The following LMX1A variants were observed in gnomAD, a reference collection of about 807,000 sequenced individuals.
LMX1A encodes the protein LIM homeobox transcription factor 1 alpha.
Under a neutral mutation model 49.1 loss-of-function variants are expected in LMX1A, and 15 were observed. The observed-to-expected ratio is 0.31, with a 90% CI of 0.20 to 0.47. The LOEUF (loss-of-function observed/expected upper bound fraction) is 0.47. Among genes scored for constraint, LMX1A ranks in the 20% least tolerant of loss-of-function variants. The probability of loss-of-function intolerance (pLI) is 1.00; values close to 1 mark genes in which losing one functional copy is unlikely to be tolerated. For synonymous variants in LMX1A, 167 were observed against 185.7 expected, an observed-to-expected ratio of 0.90 and a Z score of 0.82; for missense variants, 372 against 475.8, an observed-to-expected ratio of 0.78 and a Z score of 2.03.
At chr1:165,242,006 G>A (rs1652672263) in intron 4 of LMX1A, among the ~76,000 whole-genome samples, 1 of 152,234 alleles carries the variant, frequency 6.6e-6, no homozygotes. Context: ...TCCAGCAGAT[G>A]TGAGGAATCT....
intron 3 of LMX1A, among the ~76,000 whole-genome samples, chr1:165,291,742 C>G (rs897438284): frequency 6.6e-6 from 1 of 152,138 alleles, no homozygotes; most frequent in Non-Finnish European, 1.5e-5. Flanking sequence ...AGTAGCAAAG[C>G]TGGGATTTAA....
intron 4 of LMX1A, among the ~76,000 whole-genome samples, chr1:165,217,417 C>A (rs1651681909): frequency 6.6e-6 from 1 of 152,182 alleles, no homozygotes; most frequent in Non-Finnish European, 1.5e-5. Context: ...CCTAGGTTAG[C>A]CGTTGGGGCC....
intron 3 of LMX1A, among the ~76,000 whole-genome samples, chr1:165,267,525 C>A (rs577922584): frequency 6.6e-6 from 1 of 152,264 alleles, no homozygotes; most frequent in South Asian, 2.1e-4. Flanking sequence ...GTTTTCAATT[C>A]TTTCATCCTA....
chr1:165,310,926 T>A (rs911068797), intron 3 of LMX1A, among the ~76,000 whole-genome samples: 1 of 152,204 alleles, frequency 6.6e-6, no homozygotes, highest in African/African-American at 2.4e-5. Context: ...CACAGGACAA[T>A]TAAAGAACTT....
intron 3 of LMX1A, among the ~76,000 whole-genome samples, chr1:165,267,568 C>T (rs1400329134): frequency 6.6e-6 from 1 of 152,108 alleles, no homozygotes; most frequent in Non-Finnish European, 1.5e-5. Context: ...GAATCACTAT[C>T]ACTGCTGTGT....
At chr1:165,341,295 C>T (rs942206982) in intron 3 of LMX1A, among the ~76,000 whole-genome samples, 1 of 152,060 alleles carries the variant, frequency 6.6e-6, no homozygotes, top group Non-Finnish European at 1.5e-5. Flanking sequence ...CTTTCTTTTC[C>T]GGGCTCCATC....
intron 8 of LMX1A, among the ~76,000 whole-genome samples, chr1:165,204,503 A>G (rs16840999): frequency 0.094 from 14,280 of 152,242 alleles, 1,792 homozygotes; most frequent in African/African-American, 0.29. Flanking sequence ...ATCAGCTGTT[A>G]CCCCAAATTT....
intron 6 of LMX1A, 143 bp downstream of exon 6, chr1:165,210,556 T>C (rs540747323): frequency 2.5e-5 from 12 of 485,826 alleles, no homozygotes; most frequent in East Asian, 3.3e-5. Context: ...AAAATAATTA[T>C]TGATAACAGA....
chr1:165,239,236 T>C (rs543319657), intron 4 of LMX1A, among the ~76,000 whole-genome samples: 1 of 152,228 alleles, frequency 6.6e-6, no homozygotes, highest in Admixed American at 6.5e-5. Flanking sequence ...TTAATCAAAA[T>C]TATTGTGTGA....
intron 4 of LMX1A, among the ~76,000 whole-genome samples, chr1:165,247,335 T>G (rs1315359345): frequency 6.6e-6 from 1 of 152,082 alleles, no homozygotes; most frequent in Non-Finnish European, 1.5e-5. Flanking sequence ...CTTGGGAAAT[T>G]CGAAATTCTA....
rs1376656013 is a variant in LMX1A at position 165,355,791 on chromosome 1, C to A, written c.-22-210G>T. 14 of 577,414 alleles carry A rather than the reference C, an allele frequency of 2.4e-5. No individual in the cohort carries two copies. Among genetic ancestry groups the A allele is most frequent in the Non-Finnish European group, 3.7e-5 (12 of 323,332 alleles). The allele number at this position is 577,414 out of a possible 1,614,324, so 35.8% of individuals were successfully genotyped here. ...CTGATCTGATTTCACTTGAAGTCAA[C>A]ACGTTATGTACTTAGGCCTCCGCCC... On this transcript the variant is annotated intron_variant, in intron 1 of 8. Coordinates refer to ENST00000342310, the MANE Select transcript of LMX1A (RefSeq NM_177398.4). This position sits in a 1 kb window ranked among gnomAD's most constrained non-coding sequence, Gnocchi z 4.7.
chr1:165,306,891 T>A (rs141658696), intron 3 of LMX1A, among the ~76,000 whole-genome samples: 284 of 152,272 alleles, frequency 1.9e-3, no homozygotes, highest in Middle Eastern at 6.8e-3. Flanking sequence ...ACCACCCTCC[T>A]CCGCCTCCCC....
At chr1:165,307,231 G>T (rs550005280) in intron 3 of LMX1A, among the ~76,000 whole-genome samples, 1 of 152,218 alleles carries the variant, frequency 6.6e-6, no homozygotes, top group African/African-American at 2.4e-5. Context: ...AAGAGAAAAA[G>T]AAAGTGGGAG....
intron 3 of LMX1A, among the ~76,000 whole-genome samples, chr1:165,301,369 G>A (rs1480481463): frequency 2.4e-5 from 1 of 41,054 alleles, no homozygotes; most frequent in African/African-American, 8.0e-5. Context: ...TTACACTCCC[G>A]ACAACACACA....
chr1:165,240,123 C>G (rs186859560), intron 4 of LMX1A, among the ~76,000 whole-genome samples: 2 of 152,242 alleles, frequency 1.3e-5, no homozygotes, highest in East Asian at 3.9e-4. Context: ...GCAAGTCAGT[C>G]TAAGTGTTGA....
intron 4 of LMX1A, chr1:165,216,222 A>C (rs1403460571): frequency 6.6e-6 from 1 of 152,214 alleles, no homozygotes; most frequent in Admixed American, 6.5e-5. Flanking sequence ...CAAGGAAAAA[A>C]CAAGCACTTA....
intron 6 of LMX1A, among the ~76,000 whole-genome samples, chr1:165,208,708 G>A (rs1291487688): frequency 6.6e-6 from 1 of 152,250 alleles, no homozygotes; most frequent in Non-Finnish European, 1.5e-5. Context: ...GTGCAGTGGC[G>A]CGATCTCGGC....
chr1:165,252,991 G>A (rs1188172722), intron 3 of LMX1A, among the ~76,000 whole-genome samples: 2 of 152,178 alleles, frequency 1.3e-5, no homozygotes, highest in African/African-American at 4.8e-5. Context: ...TATGCACCCT[G>A]AAATATACCA....
rs34872443 is a variant in LMX1A at position 165,329,632 on chromosome 1, C to CA, written c.263+23443dup. 7.9e-3 allele frequency among the ~76,000 whole-genome samples: 1,031 copies of CA among 130,244 alleles called. 8 individuals carry two copies. The highest frequency in any genetic ancestry group is 0.026 in the African/African-American group (863 of 33,686). The allele number at this position is 130,244 out of a possible 152,430, so 85.4% of individuals were successfully genotyped here. A position where few individuals can be genotyped will look rare whatever the true frequency, so the allele number is the denominator to read the frequency against. ...TGCAACCCCCCCACCCCCGCCACTGCAAAAAAAAAAACCTTACAGTGATAT... is the reference window on the plus strand; with the variant it reads ...TGCAACCCCCCCACCCCCGCCACTGCAAAAAAAAAAAACCTTACAGTGATAT... On this transcript the variant is annotated intron_variant, in intron 3 of 8. Transcript: ENST00000342310.
Sources: allele counts gnomAD v4.1 joint callset (sites outside exome capture counted in the v4.1 genomes callset), GRCh38; gene constraint gnomAD v4.1.1; non-coding constraint Gnocchi (gnomAD v3.1); transcripts MANE v1.5; gene names NCBI Gene and HGNC (gene_info 2026-07-23, HGNC 2026-07-21).